RNF212B: variants seen among roughly 807,000 people sequenced by gnomAD.
RNF212B encodes ring finger protein 212B.
A neutral mutation model predicts 55.5 loss-of-function variants in RNF212B; 52 were observed. That is an observed-to-expected ratio of 0.94 (90% CI 0.75 to 1.18). The LOEUF (loss-of-function observed/expected upper bound fraction) is 1.18. Ranked by LOEUF, RNF212B falls within the 50% of genes most tolerant of loss-of-function variation. The probability of loss-of-function intolerance (pLI) is 0.00; values close to 1 mark genes in which losing one functional copy is unlikely to be tolerated. For missense variants in RNF212B, 289 were observed against 350.4 expected (o/e 0.82, Z 1.40); for synonymous variants, 99 against 121.4 (o/e 0.82, Z 1.21).
intron 2 of RNF212B, among the ~76,000 whole-genome samples, chr14:23,194,801 T>A (rs1372259617): frequency 1.5e-5 from 2 of 135,984 alleles, no homozygotes; most frequent in African/African-American, 2.7e-5. Flanking sequence ...AGTAAACAGA[T>A]AAAATATTTG....
chr14:23,203,504 A>G (rs1184335168), intron 2 of RNF212B, among the ~76,000 whole-genome samples: 4 of 126,934 alleles, frequency 3.2e-5, no homozygotes, highest in South Asian at 2.4e-4. Flanking sequence ...TTTGAGATGG[A>G]GCCTTGCTCT....
intron 2 of RNF212B, among the ~76,000 whole-genome samples, chr14:23,221,286 T>A (rs1297204591): frequency 3.5e-5 from 5 of 143,246 alleles, no homozygotes; most frequent in Non-Finnish European, 6.2e-5. Flanking sequence ...TACACATAGA[T>A]AAAGGGATGT....
At chr14:23,205,334 G>A (rs1276590430) in intron 2 of RNF212B, among the ~76,000 whole-genome samples, 3 of 142,330 alleles carry the variant, frequency 2.1e-5, no homozygotes, top group Non-Finnish European at 3.0e-5. Context: ...TTTTAAGCAA[G>A]AATGTTTTCC....
chr14:23,226,037 C>A lies in RNF212B; in HGVS notation c.-1-14308C>A, dbSNP rs188436542. 7.5e-3 allele frequency among the ~76,000 whole-genome samples: 1,137 copies of A among 151,988 alleles called. 16 individuals are homozygous for A. Among genetic ancestry groups the A allele is most frequent in the African/African-American group, 0.026 (1,064 of 41,470 alleles). ...AAACTCGGCTGGGCGCGGTGGCTCACGCCTGTAATCTCAGCACTTTGGGAG... is the reference window on the plus strand; with the variant it reads ...AAACTCGGCTGGGCGCGGTGGCTCAAGCCTGTAATCTCAGCACTTTGGGAG... On this transcript the variant is annotated intron_variant, in intron 2 of 15. Transcript: ENST00000399910.
intron 14 of RNF212B, 136 bp from the exon 15 acceptor site, chr14:23,272,687 T>C (rs1355590042): frequency 1.5e-6 from 1 of 673,838 alleles, no homozygotes; most frequent in Non-Finnish European, 2.7e-6. Flanking sequence ...TTAGTTATCA[T>C]GCAATGAAGA....
At chr14:23,205,308 G>T (rs1438990995) in intron 2 of RNF212B, among the ~76,000 whole-genome samples, 1 of 126,004 alleles carries the variant, frequency 7.9e-6, no homozygotes, top group Admixed American at 7.4e-5. Context: ...TTTAAAAAAA[G>T]GACACCCTTT....
chr14:23,208,934 A>G (rs976784132), intron 2 of RNF212B, among the ~76,000 whole-genome samples: 2 of 150,904 alleles, frequency 1.3e-5, no homozygotes, highest in Admixed American at 6.6e-5. Flanking sequence ...AATTTTTTGT[A>G]TTTTTAGTAG....
chr14:23,229,213 T>G (rs1003950361), intron 2 of RNF212B, among the ~76,000 whole-genome samples: 4 of 118,508 alleles, frequency 3.4e-5, no homozygotes, highest in Non-Finnish European at 5.2e-5. Context: ...TATGGCTGAA[T>G]AATATTTTAT....
At chr14:23,209,745 A>G (rs1227626377) in intron 2 of RNF212B, among the ~76,000 whole-genome samples, 1 of 127,874 alleles carries the variant, frequency 7.8e-6, no homozygotes, top group African/African-American at 2.5e-5. Context: ...GAAACCTGGC[A>G]ACCACTCTCT....
intron 1 of RNF212B, among the ~76,000 whole-genome samples, chr14:23,186,682 A>G (rs962619307): frequency 6.6e-6 from 1 of 152,148 alleles, no homozygotes; most frequent in African/African-American, 2.4e-5. Context: ...ATAGTGCTTT[A>G]TAGCCCACAA....
At chr14:23,190,574 C>A (rs1271724050) in intron 1 of RNF212B, among the ~76,000 whole-genome samples, 1 of 152,226 alleles carries the variant, frequency 6.6e-6, no homozygotes, top group East Asian at 1.9e-4. Flanking sequence ...TCACTTCTTA[C>A]CATTTCCACT....
intron 2 of RNF212B, among the ~76,000 whole-genome samples, chr14:23,227,698 C>T (rs1438181607): frequency 6.6e-6 from 1 of 152,072 alleles, no homozygotes; most frequent in Non-Finnish European, 1.5e-5. Context: ...CCTGCAGGCT[C>T]AAGAGATTCT....
upstream of RNF212B, among the ~76,000 whole-genome samples, chr14:23,235,320 A>T (rs1443393669): frequency 6.6e-6 from 1 of 152,176 alleles, no homozygotes; most frequent in Non-Finnish European, 1.5e-5. Flanking sequence ...ACTAAACTCT[A>T]GCCTGGGCAG....
chr14:23,215,200 C>T (rs1208683903), intron 2 of RNF212B, among the ~76,000 whole-genome samples: 3 of 152,110 alleles, frequency 2.0e-5, no homozygotes, highest in South Asian at 2.1e-4. Context: ...CTCTGCCTCT[C>T]CTGTTGTCAT....
chr14:23,203,603 C>T (rs1213240751), intron 2 of RNF212B, among the ~76,000 whole-genome samples: 10 of 151,668 alleles, frequency 6.6e-5, no homozygotes, highest in African/African-American at 2.2e-4. Context: ...CTCAGCCTCT[C>T]AAGTAGCTGA....
intron 2 of RNF212B, among the ~76,000 whole-genome samples, chr14:23,197,920 G>A (rs1167530775): frequency 6.6e-6 from 1 of 152,164 alleles, no homozygotes; most frequent in African/African-American, 2.4e-5. Flanking sequence ...TACAGTCAAA[G>A]GGGGTTGTTC....
intron 4 of RNF212B, among the ~76,000 whole-genome samples, chr14:23,253,316 G>C (rs1884553680): frequency 6.6e-6 from 1 of 151,868 alleles, no homozygotes; most frequent in Non-Finnish European, 1.5e-5. Flanking sequence ...TATTTCAGTT[G>C]GTTATTATGT....
Position 23,190,373 on chromosome 14 carries a change from C to A in RNF212B, c.-78-2952C>A, listed in dbSNP as rs61614521. Among the ~76,000 whole-genome samples, 28 of 152,222 alleles carry A rather than the reference C, an allele frequency of 1.8e-4. 1 individual carries two copies. The highest frequency in any genetic ancestry group is 1.5e-3 in the South Asian group (7 of 4,812). On this transcript the variant is annotated intron_variant, in intron 1 of 15. Coordinates refer to the RNF212B transcript ENST00000399910. ...AGCCTAATATGCCCAAAAGAGAGTG[C>A]GTGCTTTCCGCTCCAAACCTGATTT...
At chr14:23,225,063 C>T (rs1238493281) in intron 2 of RNF212B, among the ~76,000 whole-genome samples, 2 of 151,792 alleles carry the variant, frequency 1.3e-5, no homozygotes, top group South Asian at 2.1e-4. Flanking sequence ...GATTAAGACA[C>T]CTTGATGCCA....
Sources: allele counts gnomAD v4.1 joint callset (sites outside exome capture counted in the v4.1 genomes callset), GRCh38; gene constraint gnomAD v4.1.1; transcripts MANE v1.5; gene names NCBI Gene and HGNC (gene_info 2026-07-23, HGNC 2026-07-21).